Variants in WDFY1 observed in about 807,000 individuals in gnomAD.
WDFY1 encodes WD repeat and FYVE domain-containing protein 1.
Under a neutral mutation model 56.4 loss-of-function variants are expected in WDFY1, and 32 were observed. That is an observed-to-expected ratio of 0.57 (90% CI 0.43 to 0.76). The LOEUF (loss-of-function observed/expected upper bound fraction) is 0.76. WDFY1 is among the 30% of genes least tolerant of loss of function. The pLI is 0.00. For synonymous variants in WDFY1, 192 were observed against 197.3 expected, an observed-to-expected ratio of 0.97 and a Z score of 0.23; for missense variants, 480 against 545.7, an observed-to-expected ratio of 0.88 and a Z score of 1.20.
intron 4 of WDFY1, 70 bp from the exon 5 acceptor site, chr2:223,901,403 A>C: frequency 1.3e-6 from 2 of 1,569,308 alleles, no homozygotes; most frequent in Non-Finnish European, 1.7e-6. Flanking sequence ...ACTGAGGCTC[A>C]ACCTCTCAAT....
intron 10 of WDFY1, among the ~76,000 whole-genome samples, chr2:223,880,581 C>T (rs1442847839): frequency 1.4e-5 from 2 of 146,028 alleles, no homozygotes; most frequent in East Asian, 4.0e-4. Context: ...CACTCCAGCC[C>T]AGGTGATCAA....
chr2:223,937,404 G>C (rs1316895353), intron 1 of WDFY1, among the ~76,000 whole-genome samples: 2 of 152,162 alleles, frequency 1.3e-5, no homozygotes, highest in African/African-American at 4.8e-5. Flanking sequence ...CAGTCTTTAA[G>C]ATTAAAGCAA....
chr2:223,919,408 A>T (rs574892858), intron 1 of WDFY1, among the ~76,000 whole-genome samples: 1 of 152,148 alleles, frequency 6.6e-6, no homozygotes, highest in African/African-American at 2.4e-5. Context: ...ATGGGGTTTC[A>T]TTATGTTGGC....
rs536165969 is a variant in WDFY1 at position 223,900,019 on chromosome 2, A to G, written c.486-949T>C. Among the ~76,000 whole-genome samples, 3 of 152,316 alleles carry G rather than the reference A, an allele frequency of 2.0e-5. No individual in the cohort carries two copies. In the South Asian group the frequency reaches 6.2e-4, roughly 32 times the overall value. On this transcript the variant is annotated intron_variant, in intron 5 of 11. Coordinates refer to ENST00000233055, the MANE Select transcript of WDFY1 (RefSeq NM_020830.5). ...TAGTACATTTAAATTTAGAAAATATATTAACTATTGGTCACAACTCATTAC... is the reference window on the plus strand; with the variant it reads ...TAGTACATTTAAATTTAGAAAATATGTTAACTATTGGTCACAACTCATTAC...
intron 7 of WDFY1, among the ~76,000 whole-genome samples, chr2:223,894,936 A>C (rs776868974): frequency 1.3e-5 from 2 of 152,246 alleles, no homozygotes; most frequent in Non-Finnish European, 2.9e-5. Flanking sequence ...CAGCCTAGCC[A>C]AAAAGGAAAG....
intron 8 of WDFY1, among the ~76,000 whole-genome samples, chr2:223,886,024 C>T (rs531184974): frequency 2.0e-5 from 3 of 152,164 alleles, no homozygotes; most frequent in Non-Finnish European, 4.4e-5. Context: ...ACAGAGGAAG[C>T]AGTCTCAAAA....
At chr2:223,936,989 T>C (rs1434305290) in intron 1 of WDFY1, among the ~76,000 whole-genome samples, 3 of 152,232 alleles carry the variant, frequency 2.0e-5, no homozygotes, top group Non-Finnish European at 4.4e-5. Context: ...GATTTTGTTT[T>C]GCGTCTTTTG....
At chr2:223,897,390 A>ATATATTTTTTTTT (rs1461451983) in intron 6 of WDFY1, among the ~76,000 whole-genome samples, 1 of 125,994 alleles carries the variant, frequency 7.9e-6, no homozygotes, top group African/African-American at 3.0e-5. Flanking sequence ...ATATATATAT[A>ATATATTTTTTTTT]TTTTTTAAGA....
At position 223,918,355 on chromosome 2, in the gene WDFY1, G is replaced by A. The variant is rs181217157; in HGVS notation, c.138-345C>T. Among the ~76,000 whole-genome samples, 289 of 152,228 alleles carry A rather than the reference G, an allele frequency of 1.9e-3. 3 individuals carry two copies. The highest frequency in any genetic ancestry group is 6.8e-3 in the African/African-American group (282 of 41,540). On this transcript the variant is annotated intron_variant, in intron 1 of 11. Coordinates refer to ENST00000233055, the MANE Select transcript of WDFY1 (RefSeq NM_020830.5). ...ATAATATGAAAATGTTCGGCCAGGC[G>A]CGGTGGCTCACGCCTATAATCCCAG... is the stretch of plus-strand genomic sequence containing the variant.
chr2:223,925,698 T>G (rs970178132), intron 1 of WDFY1, among the ~76,000 whole-genome samples: 1 of 152,252 alleles, frequency 6.6e-6, no homozygotes, highest in African/African-American at 2.4e-5. Context: ...GGAGTCAATC[T>G]TCTTAATGCC....
chr2:223,941,508 C>T (rs1294249478), intron 1 of WDFY1, among the ~76,000 whole-genome samples: 10 of 152,182 alleles, frequency 6.6e-5, no homozygotes. Flanking sequence ...CAACGACCTT[C>T]TCTAGGAGGC....
chr2:223,922,878 AC>A (rs1339963377), intron 1 of WDFY1, among the ~76,000 whole-genome samples: 1 of 152,240 alleles, frequency 6.6e-6, no homozygotes, highest in Non-Finnish European at 1.5e-5. Flanking sequence ...AATCGAACCT[AC>A]TTAGATTCCA....
At chr2:223,931,028 C>G (rs946011341) in intron 1 of WDFY1, among the ~76,000 whole-genome samples, 2 of 152,204 alleles carry the variant, frequency 1.3e-5, no homozygotes, top group Admixed American at 1.3e-4. Context: ...TTATGTAGCA[C>G]GAGCTAACTG....
intron 8 of WDFY1, among the ~76,000 whole-genome samples, chr2:223,891,415 G>A (rs1474634017): frequency 2.8e-4 from 24 of 85,338 alleles, no homozygotes; most frequent in Admixed American, 1.9e-3. Context: ...TCCTAAGGCA[G>A]GGTCAGAACC....
rs547044699 is a variant in WDFY1, at chr2:223,890,650, T to C, written c.831+3584A>G. 5.6e-4 allele frequency among the ~76,000 whole-genome samples: 86 copies of C among 152,320 alleles called. No individual in the cohort carries two copies. In the South Asian group the frequency reaches 0.017, roughly 30 times the overall value. ...AAGAGAGAGTATTAATCAGTTATTATAATTGCTTCACTCTCTTTTCTCCAT... is the reference window on the plus strand; with the variant it reads ...AAGAGAGAGTATTAATCAGTTATTACAATTGCTTCACTCTCTTTTCTCCAT... On this transcript the variant is annotated intron_variant, in intron 8 of 11. Transcript: ENST00000233055.
At chr2:223,913,993 C>CTTTTTTTTTTTTTTTT (rs386392770) in intron 2 of WDFY1, among the ~76,000 whole-genome samples, 4 of 88,142 alleles carry the variant, frequency 4.5e-5, no homozygotes, top group Non-Finnish European at 7.8e-5. Context: ...AATCAGTTAG[C>CTTTTTTTTTTTTTTTT]TTTTTTTTTT....
intron 1 of WDFY1, among the ~76,000 whole-genome samples, chr2:223,922,638 C>T (rs1432764519): frequency 4.6e-5 from 7 of 152,138 alleles, no homozygotes; most frequent in African/African-American, 1.7e-4. Context: ...TAAAACTCTT[C>T]AAATCAATTC....
rs755025034 is a variant in WDFY1, at chr2:223,945,242, C to G, written c.43G>C (p.Val15Leu). 1.9e-6 allele frequency: 3 copies of G among 1,591,694 alleles called. No individual in the cohort carries two copies. The highest frequency in any genetic ancestry group is 2.8e-5 in the African/African-American group (2 of 71,818). The change falls in exon 1 of 12, where the codon GTG (valine) becomes CTG (leucine). Residue 15 changes from valine to leucine, a missense_variant. By Grantham distance (32) the Val-to-Leu change is conservative. Transcript: ENST00000233055. ...TGCCCCTCGATCTTGCTCAGCAGCACCGGGCGGCTGCTCTGCGGCCTGGAG... is the reference window on the plus strand; with the variant it reads ...TGCCCCTCGATCTTGCTCAGCAGCAGCGGGCGGCTGCTCTGCGGCCTGGAG... ...IHSRPQSSRP[V>L]LLSKIEGHQD...
intron 1 of WDFY1, among the ~76,000 whole-genome samples, chr2:223,923,078 G>A (rs1693913951): frequency 6.6e-6 from 1 of 152,116 alleles, no homozygotes; most frequent in African/African-American, 2.4e-5. Flanking sequence ...TCCTTGTCTG[G>A]GAATCAGGTT....
Sources: gnomAD v4.1 joint callset for allele counts (sites outside exome capture counted in the v4.1 genomes callset) on GRCh38, gnomAD v4.1.1 for gene constraint, MANE v1.5 for transcripts, NCBI Gene and HGNC (gene_info 2026-07-23, HGNC 2026-07-21) for gene names.